The following MACF1 variants were observed in gnomAD, a reference collection of about 807,000 sequenced individuals.
MACF1 encodes the protein microtubule actin crosslinking factor 1.
In MACF1, 193 loss-of-function variants were observed where a neutral mutation model predicts 854.8. The ratio of observed to expected loss-of-function variants is 0.23; its 90% confidence interval spans 0.20 to 0.25. MACF1 has a LOEUF of 0.25. Ranked by LOEUF, MACF1 falls within the 10% of genes least tolerant of loss-of-function variation. The pLI is 1.00. For synonymous variants in MACF1, 3,185 were observed against 3,226.7 expected, an observed-to-expected ratio of 0.99 and a Z score of 0.44; for missense variants, 7,722 against 8,929.1, an observed-to-expected ratio of 0.86 and a Z score of 5.45.
chr1:39,193,308 C>T lies in MACF1; in HGVS notation c.221-37874C>T, dbSNP rs561315338. On this transcript the variant is annotated intron_variant, in intron 2 of 93. Transcript: ENST00000361689. ...TTCATTGGGGAAAAGGGTCAAAATGCCAGAGAGAGAGATTACTTAAAATGG... is the reference window on the plus strand; with the variant it reads ...TTCATTGGGGAAAAGGGTCAAAATGTCAGAGAGAGAGATTACTTAAAATGG... Among the ~76,000 whole-genome samples the T allele has an allele frequency of 2.6e-5, 4 of 151,746 alleles. 1 individual carries two copies. The East Asian group carries it at 7.7e-4, about 29-fold the overall frequency.
chr1:39,483,086 CAAAA>C (rs1198703166), intron 99 of MACF1, among the ~76,000 whole-genome samples: 1 of 22,762 alleles, frequency 4.4e-5, no homozygotes, highest in African/African-American at 1.5e-4. Flanking sequence ...GACTCTGTCT[CAAAA>C]AAAAAAAAAA....
chr1:39,440,354 C>T (rs1644086596), intron 72 of MACF1, among the ~76,000 whole-genome samples: 1 of 151,950 alleles, frequency 6.6e-6, no homozygotes, highest in African/African-American at 2.4e-5. Flanking sequence ...AATCCTCCAG[C>T]CTCGGCCTCC....
chr1:39,130,503 TG>T (rs1460611092), intron 2 of MACF1, among the ~76,000 whole-genome samples: 2 of 152,212 alleles, frequency 1.3e-5, no homozygotes, highest in African/African-American at 4.8e-5. Context: ...TCTCTGGCTC[TG>T]GGAAGTACTG....
chr1:39,109,333 G>A (rs767023456), intron 2 of MACF1, among the ~76,000 whole-genome samples: 8 of 152,118 alleles, frequency 5.3e-5, no homozygotes, highest in Admixed American at 2.0e-4. Context: ...GCAGTGGCAC[G>A]ATCTCACCTC....
At chr1:39,468,260 C>G (rs373819610) in intron 95 of MACF1, 1 of 181,352 alleles carries the variant, frequency 5.5e-6, no homozygotes, top group Non-Finnish European at 1.2e-5. Context: ...TGATGGCACA[C>G]GCCTAATAAA....
chr1:39,107,647 T>C (rs1309567476), intron 2 of MACF1, among the ~76,000 whole-genome samples: 4 of 152,158 alleles, frequency 2.6e-5, no homozygotes, highest in Non-Finnish European at 5.9e-5. Flanking sequence ...CGTACTACCT[T>C]AATAGGAGAA....
chr1:39,447,603 T>C lies in MACF1; in HGVS notation c.19761+16T>C, dbSNP rs773662515. The C allele has an allele frequency of 4.3e-6, 7 of 1,613,814 alleles. No homozygotes were observed. In the Admixed American group the frequency reaches 5.0e-5, roughly 12 times the overall value. ...AGAGCACAAGGTAAGTATGATATTA[T>C]GATGCTGCATTCTTTTTGAAAGCAC... On this transcript the variant is annotated intron_variant, in intron 81 of 100. Coordinates refer to ENST00000564288, the MANE Select transcript of MACF1 (RefSeq NM_001394062.1).
chr1:39,333,812 T>G lies in MACF1; in HGVS notation c.7224T>G (p.Thr2408=). Residue 2408 remains threonine, a synonymous_variant, in exon 37 of 101, where the codon ACT becomes ACG. Transcript: ENST00000564288. ...ATRILERQVV[T]GGIIDLKRGK... ...GAATTTTAGAGAGGCAGGTGGTGAC[T>G]GGTGGAATTATTGATCTGAAACGAG... 1 of 1,614,192 alleles carries G rather than the reference T, an allele frequency of 6.2e-7. No homozygotes were observed. The highest frequency in any genetic ancestry group is 8.5e-7 in the Non-Finnish European group (1 of 1,180,034).
chr1:39,280,062 A>T (rs1645512453), intron 6 of MACF1, among the ~76,000 whole-genome samples: 1 of 151,964 alleles, frequency 6.6e-6, no homozygotes, highest in African/African-American at 2.4e-5. Flanking sequence ...TTATGCCAGA[A>T]TACTTTTTTT....
At chr1:39,238,668 G>C (rs1644886933) in intron 2 of MACF1, among the ~76,000 whole-genome samples, 1 of 152,188 alleles carries the variant, frequency 6.6e-6, no homozygotes, top group African/African-American at 2.4e-5. Flanking sequence ...AGGAAGCTCA[G>C]GGAGGGAGAA....
At chr1:39,432,426 T>C in intron 66 of MACF1, 109 bp from the exon 67 acceptor site, 1 of 911,748 alleles carries the variant, frequency 1.1e-6, no homozygotes, top group Non-Finnish European at 1.7e-6. Context: ...CTTTGTGAGA[T>C]ATAAACTGTA....
In MACF1 at chr1:39,334,596, A is replaced by G. The variant is rs1646780169; in HGVS notation, c.8008A>G (p.Ile2670Val). The stretch of plus-strand genomic sequence containing the variant: ...CAAAGTGCTTACATTGTCTCAAGCA[A>G]TTCAGCTTGGAAAAGTAGACTTTGC... ...SDKVLTLSQA[I>V]QLGKVDFAST... The change falls in exon 37 of 101, where the codon ATT becomes GTT. Residue 2670 changes from isoleucine (I) to valine (V), a missense_variant. Ile to Val is a conservative substitution (Grantham distance 29). Coordinates refer to ENST00000564288, the MANE Select transcript of MACF1 (RefSeq NM_001394062.1). The G allele has an allele frequency of 1.2e-6, 2 of 1,614,030 alleles. No individual in the cohort carries two copies. The highest frequency in any genetic ancestry group is 1.3e-5 in the African/African-American group (1 of 74,938).
Position 39,388,872 on chromosome 1 carries a change from C to CTTTTTTTTTT in MACF1, c.15816+229_15816+238dup, listed in dbSNP as rs548104092. On this transcript the variant is annotated intron_variant, in intron 58 of 100. Transcript: ENST00000564288. ...TCTTTTTCTTTTTCTTCTTCTTCTT[C>CTTTTTTTTTT]TTTTTTTTTTTTTTTTTTTTTTTTG... 5.6e-4 allele frequency among the ~76,000 whole-genome samples: 49 copies of CTTTTTTTTTT among 87,238 alleles called. 1 individual carries two copies. Among genetic ancestry groups the CTTTTTTTTTT allele is most frequent in the African/African-American group, 1.1e-3 (21 of 19,998 alleles). The allele number at this position is 87,238 out of a possible 152,430, so 57.2% of individuals were successfully genotyped here.
In MACF1 at chr1:39,485,872, G is replaced by A. The variant is rs1645095568; in HGVS notation, c.*78G>A. On this transcript the variant is annotated 3_prime_UTR_variant, in exon 101 of 101. Transcript: ENST00000564288. ...TTGGGTGTATATTTATTCTGAACGG[G>A]AGAAGTTATATTGTTAAAAGTGTAA... The A allele has an allele frequency of 7.2e-7, 1 of 1,390,614 alleles. No individual in the cohort carries two copies. Among genetic ancestry groups the A allele is most frequent in the Non-Finnish European group, 9.5e-7 (1 of 1,054,790 alleles). 86.1% of individuals were successfully genotyped at this position (1,390,614 alleles called of 1,614,324 possible).
At position 39,486,760 on chromosome 1, in the gene MACF1, C is replaced by T. The variant is rs763858248; in HGVS notation, c.*966C>T. On this transcript the variant is annotated 3_prime_UTR_variant, in exon 101 of 101. Transcript: ENST00000564288. Reference sequence around the variant, plus strand: ...TTCACCAGCACACTTGTTAACCAGTCCTGTTTGCTTTCGTCTTTTTTTGTG... The same window carrying T: ...TTCACCAGCACACTTGTTAACCAGTTCTGTTTGCTTTCGTCTTTTTTTGTG... 6.6e-6 allele frequency: 1 copy of T among 152,608 alleles called. No individual in the cohort carries two copies. Among genetic ancestry groups the T allele is most frequent in the Admixed American group, 6.5e-5 (1 of 15,272 alleles). The allele number at this position is 152,608 out of a possible 1,614,324, so 9.5% of individuals were successfully genotyped here.
chr1:39,370,297 C>G, intron 51 of MACF1, 111 bp downstream of exon 51: 2 of 1,004,366 alleles, frequency 2.0e-6, no homozygotes, highest in Admixed American at 3.1e-5. Context: ...AGTTGTCAGT[C>G]TGCATCAGAA....
chr1:39,424,403 G>A (rs1026073445), intron 61 of MACF1, among the ~76,000 whole-genome samples: 1 of 152,234 alleles, frequency 6.6e-6, no homozygotes. Context: ...AAATTTCCGA[G>A]AGCTGGAAAA....
Position 39,334,006 on chromosome 1 carries a change from A to G in MACF1, c.7418A>G (p.Asp2473Gly). The G allele has an allele frequency of 2.5e-6, 4 of 1,614,210 alleles. No individual in the cohort carries two copies. The highest frequency in any genetic ancestry group is 1.6e-4 in the Middle Eastern group (1 of 6,062). The change falls in exon 37 of 101, where the codon GAT becomes GGT. Residue 2473 changes from aspartate (D) to glycine (G), a missense_variant. Coordinates refer to ENST00000564288, the MANE Select transcript of MACF1 (RefSeq NM_001394062.1). Reference sequence around the variant, plus strand: ...GAAACAACAGGACTTATAGACCCTGATAGTAAAGCACCTTTAACAGTTGTG... The same window carrying G: ...GAAACAACAGGACTTATAGACCCTGGTAGTAAAGCACCTTTAACAGTTGTG... ...QMETTGLIDP[D>G]SKAPLTVVQS...
intron 52 of MACF1, among the ~76,000 whole-genome samples, chr1:39,375,422 C>T (rs1434502012): frequency 6.6e-6 from 1 of 152,020 alleles, no homozygotes. Flanking sequence ...CTGCCTCAGC[C>T]TCCCAAGTAG....
Sources: allele counts gnomAD v4.1 joint callset (sites outside exome capture counted in the v4.1 genomes callset), GRCh38; gene constraint gnomAD v4.1.1; transcripts MANE v1.5; gene names NCBI Gene and HGNC (gene_info 2026-07-23, HGNC 2026-07-21).